The following ROBO1 variants were observed in gnomAD, a reference collection of about 807,000 sequenced individuals.
ROBO1 encodes the protein roundabout guidance receptor 1.
A neutral mutation model predicts 195.9 loss-of-function variants in ROBO1; 149 were observed. The ratio of observed to expected loss-of-function variants is 0.76; its 90% CI spans 0.67 to 0.87. The LOEUF is 0.87. Ranked by LOEUF, ROBO1 falls within the 40% of genes least tolerant of loss-of-function variation. The pLI, the probability that ROBO1 is intolerant of heterozygous loss-of-function variation, is 0.00. For missense variants in ROBO1, 1,933 were observed against 2,068.3 expected, an observed-to-expected ratio of 0.93 and a Z score of 1.27; for synonymous variants, 816 against 733.2, an observed-to-expected ratio of 1.11 and a Z score of -1.82.
At chr3:78,948,654 G>A (rs1158293402) in intron 3 of ROBO1, among the ~76,000 whole-genome samples, 3 of 152,174 alleles carry the variant, frequency 2.0e-5, no homozygotes, top group Non-Finnish European at 4.4e-5. Flanking sequence ...AGTGTTGGAA[G>A]TTCTGGCCAG....
In ROBO1 at chr3:79,032,324, A is replaced by T. The variant is rs575277565; in HGVS notation, c.172+93132T>A. On this transcript the variant is annotated intron_variant, in intron 3 of 30. Coordinates refer to ENST00000464233, the MANE Select transcript of ROBO1 (RefSeq NM_002941.4). ...AGATTTTTATCAAGATTTTTCTTCC[A>T]TTGCACATTATACTAAATCCCACAT... is the stretch of plus-strand genomic sequence containing the variant. Among the ~76,000 whole-genome samples the T allele has an allele frequency of 2.6e-5, 4 of 152,182 alleles. No homozygotes were observed. In the South Asian group the frequency reaches 8.3e-4, roughly 32 times the overall value.
chr3:78,610,794 A>T (rs1226659627), intron 28 of ROBO1, among the ~76,000 whole-genome samples: 1 of 152,210 alleles, frequency 6.6e-6, no homozygotes, highest in Non-Finnish European at 1.5e-5. Flanking sequence ...ACTGTACCTA[A>T]TTGACAATTA....
chr3:79,638,106 T>C (rs1945549560), intron 1 of ROBO1, among the ~76,000 whole-genome samples: 1 of 152,126 alleles, frequency 6.6e-6, no homozygotes, highest in African/African-American at 2.4e-5. Flanking sequence ...GACTACTCCA[T>C]TAGGAAAGTA....
chr3:78,862,327 A>C (rs970141219), intron 4 of ROBO1, among the ~76,000 whole-genome samples: 7 of 152,312 alleles, frequency 4.6e-5, no homozygotes, highest in African/African-American at 1.7e-4. Flanking sequence ...TAGGAAACTC[A>C]TTCTGATAAC....
intron 1 of ROBO1, among the ~76,000 whole-genome samples, chr3:79,764,939 T>A (rs1221362000): frequency 6.6e-6 from 1 of 152,126 alleles, no homozygotes. Flanking sequence ...CTGTTGAGTC[T>A]CTCCCCTCCT....
chr3:79,695,874 G>A (rs1432497073), intron 1 of ROBO1, among the ~76,000 whole-genome samples: 1 of 151,426 alleles, frequency 6.6e-6, no homozygotes, highest in Admixed American at 6.6e-5. Flanking sequence ...AAAACACCAT[G>A]AGTAAATAAT....
intron 10 of ROBO1, among the ~76,000 whole-genome samples, chr3:78,672,260 CAAA>C (rs34159773): frequency 4.4e-5 from 6 of 135,472 alleles, no homozygotes; most frequent in South Asian, 2.4e-4. Flanking sequence ...ACAACAACAA[CAAA>C]AAAAACTATT....
At chr3:79,212,561 C>G (rs539895410) in intron 2 of ROBO1, among the ~76,000 whole-genome samples, 3 of 152,126 alleles carry the variant, frequency 2.0e-5, no homozygotes, top group African/African-American at 7.2e-5. Flanking sequence ...GTGGCTACAC[C>G]TACAATCCCA....
At chr3:79,440,354 AT>A (rs1219121030) in intron 2 of ROBO1, among the ~76,000 whole-genome samples, 3 of 152,012 alleles carry the variant, frequency 2.0e-5, no homozygotes, top group Non-Finnish European at 4.4e-5. Flanking sequence ...ATACCAAACT[AT>A]TTGTACTTTC....
intron 1 of ROBO1, among the ~76,000 whole-genome samples, chr3:79,646,146 C>G (rs1281544268): frequency 6.6e-6 from 1 of 151,830 alleles, no homozygotes; most frequent in Non-Finnish European, 1.5e-5. Context: ...AAGAGGCAAC[C>G]AACAGAATGA....
chr3:79,006,151 G>T (rs182396994), intron 3 of ROBO1, among the ~76,000 whole-genome samples: 10 of 152,186 alleles, frequency 6.6e-5, no homozygotes, highest in Non-Finnish European at 8.8e-5. Context: ...CAAAGGGCTC[G>T]TGGTTTTGTT....
intron 4 of ROBO1, among the ~76,000 whole-genome samples, chr3:78,840,581 G>A (rs569293901): frequency 6.9e-4 from 105 of 152,162 alleles, no homozygotes; most frequent in Middle Eastern, 6.8e-3. Flanking sequence ...CCTAATAATC[G>A]TGCAAGGTTA....
intron 2 of ROBO1, among the ~76,000 whole-genome samples, chr3:79,293,918 C>A (rs539534735): frequency 6.6e-6 from 1 of 150,430 alleles, no homozygotes; most frequent in Non-Finnish European, 1.5e-5. Context: ...ATTAGCCGGG[C>A]GTGGTAGCGG....
chr3:79,694,077 A>T lies in ROBO1; in HGVS notation c.-51+73675T>A, dbSNP rs565257257. ...CTGAAATAAGTAAAATAAGTATTTG[A>T]AACAACTTCTATGTAATCACACACA... is the stretch of plus-strand genomic sequence containing the variant. On this transcript the variant is annotated intron_variant, in intron 1 of 30. Transcript: ENST00000464233. Among the ~76,000 whole-genome samples the T allele has an allele frequency of 5.3e-5, 8 of 152,022 alleles. 1 individual carries two copies. The South Asian group carries it at 1.7e-3, about 32-fold the overall frequency.
chr3:79,527,593 AT>A, intron 2 of ROBO1, among the ~76,000 whole-genome samples: 1 of 152,206 alleles, frequency 6.6e-6, no homozygotes, highest in East Asian at 1.9e-4. Context: ...TACTAGTGAC[AT>A]TTTTAGAAAC....
intron 4 of ROBO1, among the ~76,000 whole-genome samples, chr3:78,916,450 G>A (rs769902198): frequency 2.0e-4 from 30 of 150,550 alleles, no homozygotes; most frequent in Non-Finnish European, 3.0e-4. Context: ...TATTCAGGAG[G>A]CTGAGACAGG....
chr3:78,741,952 T>C (rs2082543021), intron 5 of ROBO1, among the ~76,000 whole-genome samples: 1 of 152,186 alleles, frequency 6.6e-6, no homozygotes, highest in African/African-American at 2.4e-5. Flanking sequence ...GAAAATGTTA[T>C]TTATATATTC....
At chr3:79,186,958 A>C (rs1232952962) in intron 2 of ROBO1, among the ~76,000 whole-genome samples, 2 of 152,090 alleles carry the variant, frequency 1.3e-5, no homozygotes, top group Non-Finnish European at 2.9e-5. Context: ...ATGCATTATG[A>C]CCCATGTTCT....
At chr3:78,868,312 GA>G (rs2035307975) in intron 4 of ROBO1, among the ~76,000 whole-genome samples, 1 of 151,778 alleles carries the variant, frequency 6.6e-6, no homozygotes, top group South Asian at 2.1e-4. Flanking sequence ...TACTATGAAT[GA>G]TGTCAGTGCA....
Sources: gnomAD v4.1 joint callset for allele counts (sites outside exome capture counted in the v4.1 genomes callset) on GRCh38, gnomAD v4.1.1 for gene constraint, MANE v1.5 for transcripts, NCBI Gene and HGNC (gene_info 2026-07-23, HGNC 2026-07-21) for gene names.